ASTN2: variants seen among roughly 807,000 people sequenced by gnomAD.
ASTN2 encodes astrotactin 2.
A neutral mutation model predicts 139.8 loss-of-function variants in ASTN2; 54 were observed. The observed-to-expected ratio is 0.39, with a 90% CI of 0.31 to 0.48. ASTN2 has a LOEUF of 0.48. Ranked by LOEUF, ASTN2 falls within the 20% of genes least tolerant of loss-of-function variation. ASTN2 has a pLI of 0.95. For synonymous variants in ASTN2, 756 were observed against 719.5 expected (o/e 1.05, Z -0.81); for missense variants, 1,565 against 1,725.1 (o/e 0.91, Z 1.64).
At chr9:117,378,573 C>A (rs1830184725) in intron 1 of ASTN2, among the ~76,000 whole-genome samples, 1 of 152,122 alleles carries the variant, frequency 6.6e-6, no homozygotes, top group South Asian at 2.1e-4. Context: ...AACACATATC[C>A]ACTGCCCCCT....
chr9:116,819,956 G>A (rs1242693512), intron 12 of ASTN2, among the ~76,000 whole-genome samples: 1 of 152,164 alleles, frequency 6.6e-6, no homozygotes, highest in African/African-American at 2.4e-5. Flanking sequence ...TGTGGCCCAG[G>A]GAGAGAACAT....
At chr9:116,766,994 T>C (rs559131083) in intron 13 of ASTN2, among the ~76,000 whole-genome samples, 5 of 149,794 alleles carry the variant, frequency 3.3e-5, no homozygotes, top group Admixed American at 2.6e-4. Flanking sequence ...AGATTGATAG[T>C]CACACAAACA....
chr9:117,351,874 C>T (rs1367538141), intron 1 of ASTN2, among the ~76,000 whole-genome samples: 1 of 152,170 alleles, frequency 6.6e-6, no homozygotes, highest in Non-Finnish European at 1.5e-5. Context: ...TCTAGTCCTG[C>T]ACACTGACAT....
chr9:116,806,403 T>C (rs1469937999), intron 12 of ASTN2, among the ~76,000 whole-genome samples: 1 of 152,052 alleles, frequency 6.6e-6, no homozygotes, highest in Non-Finnish European at 1.5e-5. Flanking sequence ...CTGAATAAGG[T>C]GTGGAAACAA....
rs1156476114 is a variant in ASTN2 at position 117,016,636 on chromosome 9, A to G, written c.1424-8377T>C. ...TATATCTATCTATCTATATATATATATATATATATATATATATATAACCTA... is the reference window on the plus strand; with the variant it reads ...TATATCTATCTATCTATATATATATGTATATATATATATATATATAACCTA... On this transcript the variant is annotated intron_variant, in intron 6 of 22. Coordinates refer to ENST00000313400, the MANE Select transcript of ASTN2 (RefSeq NM_001365068.1). 5.4e-3 allele frequency among the ~76,000 whole-genome samples: 116 copies of G among 21,428 alleles called. 13 individuals carry two copies. Among genetic ancestry groups the G allele is most frequent in the Admixed American group, 0.01 (15 of 1,460 alleles). The allele number at this position is 21,428 out of a possible 152,430, so 14.1% of individuals were successfully genotyped here. A position where few individuals can be genotyped will look rare whatever the true frequency, so the allele number is the denominator to read the frequency against.
At chr9:116,714,702 C>T (rs974681721) in intron 16 of ASTN2, among the ~76,000 whole-genome samples, 2 of 152,142 alleles carry the variant, frequency 1.3e-5, no homozygotes, top group African/African-American at 2.4e-5. Context: ...TTACACCTGT[C>T]GGGAGGAGAA....
chr9:116,950,162 T>C (rs989771562), intron 10 of ASTN2, among the ~76,000 whole-genome samples: 2 of 152,220 alleles, frequency 1.3e-5, no homozygotes, highest in African/African-American at 2.4e-5. Context: ...CTTTGTTGTA[T>C]TGTTTGTTCT....
Position 116,551,429 on chromosome 9 carries a change from G to T in ASTN2, c.3356-63929C>A, listed in dbSNP as rs12238214. On this transcript the variant is annotated intron_variant, in intron 19 of 22. Transcript: ENST00000313400. ...CTTCCTGTCCTGTTTCATCTGGGCCGTATAGACTAGGAGAGGGATGTTTGA... is the reference window on the plus strand; with the variant it reads ...CTTCCTGTCCTGTTTCATCTGGGCCTTATAGACTAGGAGAGGGATGTTTGA... 5.4e-4 allele frequency among the ~76,000 whole-genome samples: 82 copies of T among 152,074 alleles called. No individual in the cohort carries two copies. The East Asian group carries it at 0.016, about 29-fold the overall frequency.
chr9:117,164,876 C>G (rs913802143), intron 3 of ASTN2, among the ~76,000 whole-genome samples: 1 of 152,122 alleles, frequency 6.6e-6, no homozygotes, highest in African/African-American at 2.4e-5. Flanking sequence ...CATGTGGGCA[C>G]TGTACTAAGT....
intron 5 of ASTN2, among the ~76,000 whole-genome samples, chr9:117,056,543 G>T (rs1392225208): frequency 6.6e-6 from 1 of 152,144 alleles, no homozygotes; most frequent in East Asian, 1.9e-4. Context: ...CAGGATACAT[G>T]CTTGGCTATT....
In ASTN2 at chr9:116,975,225, T is replaced by G; in HGVS notation, c.1872A>C (p.Glu624Asp). ...ASCKTDVLVTEDPADVREEAM... is the reference protein window; with the variant it reads ...ASCKTDVLVTDDPADVREEAM... ...TTCCCTACCTGACATCTGCAGGGTC[T>G]TCCGTGACGAGCACATCGGTCTTGC... Residue 624 changes from glutamate to aspartate, a missense_variant, in exon 10 of 23, where the codon GAA becomes GAC. Coordinates refer to ENST00000313400, the MANE Select transcript of ASTN2 (RefSeq NM_001365068.1). The G allele has an allele frequency of 6.2e-7, 1 of 1,612,238 alleles. No individual in the cohort carries two copies. Among genetic ancestry groups the G allele is most frequent in the Non-Finnish European group, 8.5e-7 (1 of 1,179,066 alleles).
rs1340202864 is a variant in ASTN2, at chr9:117,016,800, TTATATATATGTTTTATATA to T, written c.1424-8560_1424-8542del. Among the ~76,000 whole-genome samples, 15 of 118,248 alleles carry T rather than the reference TTATATATATGTTTTATATA, an allele frequency of 1.3e-4. No homozygotes were observed. The South Asian group carries it at 2.5e-3, about 20-fold the overall frequency. The allele number at this position is 118,248 out of a possible 152,430, so 77.6% of individuals were successfully genotyped here. ...TTTATATATATAGGTTATATATAGGTTATATATATGTTTTATATATATATATATGTTTTTCCAAATAAAG... is the reference window on the plus strand; with the variant it reads ...TTTATATATATAGGTTATATATAGGTTATATATATGTTTTTCCAAATAAAG... On this transcript the variant is annotated intron_variant, in intron 6 of 22. Coordinates refer to ENST00000313400, the MANE Select transcript of ASTN2 (RefSeq NM_001365068.1).
At chr9:117,085,965 T>A (rs565955715) in intron 5 of ASTN2, among the ~76,000 whole-genome samples, 2 of 152,206 alleles carry the variant, frequency 1.3e-5, no homozygotes, top group African/African-American at 2.4e-5. Context: ...GTGAACCCTC[T>A]CAATTCTTAG....
chr9:116,702,235 A>C (rs777585672), intron 16 of ASTN2, among the ~76,000 whole-genome samples: 3 of 152,010 alleles, frequency 2.0e-5, no homozygotes, highest in Non-Finnish European at 4.4e-5. Flanking sequence ...AACATGTGAA[A>C]ATAACCTGGT....
intron 19 of ASTN2, among the ~76,000 whole-genome samples, chr9:116,514,724 G>C (rs1019148935): frequency 6.6e-6 from 1 of 152,192 alleles, no homozygotes; most frequent in Non-Finnish European, 1.5e-5. Flanking sequence ...CCTCGCTGCT[G>C]CCTTGCAGTT....
intron 10 of ASTN2, among the ~76,000 whole-genome samples, chr9:116,952,552 C>T (rs1265143188): frequency 6.6e-6 from 1 of 152,202 alleles, no homozygotes; most frequent in African/African-American, 2.4e-5. Context: ...ATGAGAGGCA[C>T]AGGCTGTGAG....
At chr9:116,429,339 G>GA (rs34731241) in intron 22 of ASTN2, among the ~76,000 whole-genome samples, 22,542 of 90,776 alleles carry the variant, frequency 0.25, 3,294 homozygotes, top group Middle Eastern at 0.31. Flanking sequence ...AACTCTATCT[G>GA]AAAAAAAAAA....
intron 11 of ASTN2, among the ~76,000 whole-genome samples, chr9:116,832,530 T>C (rs1224645312): frequency 1.3e-5 from 2 of 152,088 alleles, no homozygotes; most frequent in Admixed American, 6.6e-5. Flanking sequence ...TAAGTTCTCT[T>C]CTATTCTTAT....
chr9:117,394,533 A>T (rs1180281739), intron 1 of ASTN2, among the ~76,000 whole-genome samples: 1 of 152,208 alleles, frequency 6.6e-6, no homozygotes, highest in African/African-American at 2.4e-5. Flanking sequence ...AATAAAGTTA[A>T]TCAAAGATAA....
Sources: allele counts gnomAD v4.1 joint callset (sites outside exome capture counted in the v4.1 genomes callset), GRCh38; gene constraint gnomAD v4.1.1; transcripts MANE v1.5; gene names NCBI Gene and HGNC (gene_info 2026-07-23, HGNC 2026-07-21).